SCYL2: variants seen among roughly 807,000 people sequenced by gnomAD.
SCYL2 encodes SCY1 like pseudokinase 2.
In SCYL2, 36 loss-of-function variants were observed where a neutral mutation model predicts 100.4. The observed-to-expected ratio is 0.36, with a 90% CI of 0.27 to 0.47. The LOEUF is 0.47. SCYL2 is among the 20% of genes least tolerant of loss of function. SCYL2 has a pLI of 1.00. For synonymous variants in SCYL2, 330 were observed against 359.2 expected (o/e 0.92, Z 0.92); for missense variants, 902 against 1,083.9 (o/e 0.83, Z 2.36).
At chr12:100,280,663 C>G (rs575123927) in intron 1 of SCYL2, among the ~76,000 whole-genome samples, 32 of 152,288 alleles carry the variant, frequency 2.1e-4, no homozygotes, top group African/African-American at 7.7e-4. Flanking sequence ...ATCCAAAAAT[C>G]TGAAATGCTC....
At position 100,295,663 on chromosome 12, in the gene SCYL2, C is replaced by T. The variant is rs866591933; in HGVS notation, c.336-2368C>T. ...AGATGGCAGCAGTACAGTCCAGCTC[C>T]GGCTGGGCATGAGAGGGAGACCGTG... On this transcript the variant is annotated intron_variant, in intron 3 of 17. Coordinates refer to ENST00000360820, the MANE Select transcript of SCYL2 (RefSeq NM_017988.6). Among the ~76,000 whole-genome samples, 110 of 152,188 alleles carry T rather than the reference C, an allele frequency of 7.2e-4. 1 individual carries two copies. Among genetic ancestry groups the T allele is most frequent in the Middle Eastern group, 6.8e-3 (2 of 294 alleles).
intron 11 of SCYL2, among the ~76,000 whole-genome samples, chr12:100,324,949 G>T: frequency 6.6e-6 from 1 of 152,116 alleles, no homozygotes; most frequent in East Asian, 1.9e-4. Flanking sequence ...ACATGTTGTA[G>T]GCCGGGCATG....
intron 11 of SCYL2, among the ~76,000 whole-genome samples, chr12:100,324,168 T>C (rs1592964712): frequency 6.6e-6 from 1 of 152,308 alleles, no homozygotes; most frequent in East Asian, 1.9e-4. Flanking sequence ...CTTCTTTGAA[T>C]ACAAAATTTT....
At chr12:100,314,773 C>T (rs1272897229) in intron 8 of SCYL2, among the ~76,000 whole-genome samples, 159 bp downstream of exon 8, 1 of 152,090 alleles carries the variant, frequency 6.6e-6, no homozygotes, top group African/African-American at 2.4e-5. Context: ...TTCAGTGGAC[C>T]TTTTTTTGCG....
Position 100,331,550 on chromosome 12 carries a change from G to A in SCYL2, c.1761+2231G>A, listed in dbSNP as rs562353772. On this transcript the variant is annotated intron_variant, in intron 13 of 17. Coordinates refer to ENST00000360820, the MANE Select transcript of SCYL2 (RefSeq NM_017988.6). ...TTGAGCCTGGGAGGTGAAGGTTGCAGTGATTTGAGATTGCACCACTGCACT... is the reference window on the plus strand; with the variant it reads ...TTGAGCCTGGGAGGTGAAGGTTGCAATGATTTGAGATTGCACCACTGCACT... 3.3e-5 allele frequency among the ~76,000 whole-genome samples: 5 copies of A among 152,272 alleles called. No individual in the cohort carries two copies. The East Asian group carries it at 7.7e-4, about 24-fold the overall frequency.
intron 3 of SCYL2, among the ~76,000 whole-genome samples, chr12:100,294,700 G>A (rs2096316221): frequency 8.7e-6 from 1 of 115,462 alleles, no homozygotes; most frequent in African/African-American, 3.9e-5. Context: ...GCGGGGGGCT[G>A]ACCCCCCCAC....
intron 13 of SCYL2, among the ~76,000 whole-genome samples, chr12:100,331,519 G>A (rs187199436): frequency 2.0e-5 from 3 of 152,164 alleles, no homozygotes; most frequent in East Asian, 3.9e-4. Flanking sequence ...GAGGTAGGAG[G>A]ATTGCTTGAG....
At chr12:100,297,151 T>G (rs2096321846) in intron 3 of SCYL2, among the ~76,000 whole-genome samples, 1 of 152,224 alleles carries the variant, frequency 6.6e-6, no homozygotes, top group Admixed American at 6.5e-5. Context: ...TGGCAAATGC[T>G]TGGTAATTAT....
chr12:100,339,204 C>T lies in SCYL2; in HGVS notation c.*32C>T. ...TTACTTCTATTTTGAAGGATTATTT[C>T]AGTTTCAATCATGGGTGAGCTGATT... On this transcript the variant is annotated 3_prime_UTR_variant, in exon 18 of 18. Coordinates refer to ENST00000360820, the MANE Select transcript of SCYL2 (RefSeq NM_017988.6). The T allele has an allele frequency of 1.3e-6, 2 of 1,580,704 alleles. No individual in the cohort carries two copies. Among genetic ancestry groups the T allele is most frequent in the Middle Eastern group, 3.4e-4 (2 of 5,886 alleles).
intron 4 of SCYL2, among the ~76,000 whole-genome samples, chr12:100,301,047 A>C (rs2096326953): frequency 6.6e-6 from 1 of 152,176 alleles, no homozygotes; most frequent in African/African-American, 2.4e-5. Context: ...ATGGTAGCTC[A>C]AATTTTAGTT....
intron 2 of SCYL2, among the ~76,000 whole-genome samples, chr12:100,284,466 C>T (rs982756210): frequency 6.6e-6 from 1 of 152,130 alleles, no homozygotes; most frequent in Non-Finnish European, 1.5e-5. Context: ...TTGCAAGGGT[C>T]AGAACTGAAT....
chr12:100,317,776 AATAC>A, intron 9 of SCYL2, 23 bp from the exon 10 acceptor site: 1 of 1,575,730 alleles, frequency 6.3e-7, no homozygotes, highest in Non-Finnish European at 8.6e-7. Flanking sequence ...TCCAGGTTTT[AATAC>A]ATTGTTTCCG....
intron 10 of SCYL2, among the ~76,000 whole-genome samples, chr12:100,322,045 A>C (rs77006509): frequency 2.4e-5 from 2 of 84,594 alleles, no homozygotes; most frequent in African/African-American, 5.6e-5. Context: ...AAGACTCTCC[A>C]AAAAAAAAAA....
rs761175300 is a variant in SCYL2, at chr12:100,291,476, C to G, written c.178-27C>G. On this transcript the variant is annotated intron_variant, in intron 2 of 17. Transcript: ENST00000360820. Reference sequence around the variant, plus strand: ...TTTATTACTTTTCTATATTTCTTGACTAAAATTACACAATTCTTTTATTTA... The same window carrying G: ...TTTATTACTTTTCTATATTTCTTGAGTAAAATTACACAATTCTTTTATTTA... The G allele has an allele frequency of 6.4e-6, 9 of 1,395,590 alleles. No individual in the cohort carries two copies. The South Asian group carries it at 1.1e-4, about 17-fold the overall frequency. The allele number at this position is 1,395,590 out of a possible 1,614,324, so 86.5% of individuals were successfully genotyped here.
intron 5 of SCYL2, 84 bp downstream of exon 5, chr12:100,311,277 T>TA: frequency 7.3e-7 from 1 of 1,367,834 alleles, no homozygotes; most frequent in Non-Finnish European, 9.8e-7. Flanking sequence ...GGCTATGTGG[T>TA]ACAGTGGTAT....
Position 100,318,270 on chromosome 12 carries a change from T to G in SCYL2, c.1395+345T>G, listed in dbSNP as rs114381782. Among the ~76,000 whole-genome samples the G allele has an allele frequency of 8.6e-3, 1,308 of 152,230 alleles. 22 individuals carry two copies. Among genetic ancestry groups the G allele is most frequent in the African/African-American group, 0.03 (1,267 of 41,550 alleles). ...GTATACCTTCATCTTTCTGCTTCTTTCTAAACTGATAATTATGAACAAAAA... is the reference window on the plus strand; with the variant it reads ...GTATACCTTCATCTTTCTGCTTCTTGCTAAACTGATAATTATGAACAAAAA... On this transcript the variant is annotated intron_variant, in intron 10 of 17. Coordinates refer to ENST00000360820, the MANE Select transcript of SCYL2 (RefSeq NM_017988.6).
At position 100,298,182 on chromosome 12, in the gene SCYL2, A is replaced by G. The variant is rs767600843; in HGVS notation, c.480+7A>G. ...CAAATATGGTTTGCTTCAGGTATGTATTTTTATTCATCATGTAAAAAAGAG... is the reference window on the plus strand; with the variant it reads ...CAAATATGGTTTGCTTCAGGTATGTGTTTTTATTCATCATGTAAAAAAGAG... On this transcript the variant is annotated splice_region_variant and intron_variant, in intron 4 of 17. Transcript: ENST00000360820. 1.7e-5 allele frequency: 26 copies of G among 1,506,726 alleles called. 1 individual carries two copies. In the South Asian group the frequency reaches 3.3e-4, roughly 19 times the overall value. 93.3% of individuals were successfully genotyped at this position (1,506,726 alleles called of 1,614,324 possible).
intron 4 of SCYL2, among the ~76,000 whole-genome samples, chr12:100,309,838 G>C (rs555975601): frequency 6.6e-6 from 1 of 152,172 alleles, no homozygotes; most frequent in Non-Finnish European, 1.5e-5. Context: ...TTTTTGGGGG[G>C]AACAATTATA....
At chr12:100,324,769 G>A (rs1486653038) in intron 11 of SCYL2, among the ~76,000 whole-genome samples, 1 of 152,124 alleles carries the variant, frequency 6.6e-6, no homozygotes, top group African/African-American at 2.4e-5. Context: ...ATTAAAAGTA[G>A]CTGTTTTCTC....
Sources: gnomAD v4.1 joint callset for allele counts (sites outside exome capture counted in the v4.1 genomes callset) on GRCh38, gnomAD v4.1.1 for gene constraint, MANE v1.5 for transcripts, NCBI Gene and HGNC (gene_info 2026-07-23, HGNC 2026-07-21) for gene names.